Variants in ME3 observed in about 807,000 individuals in gnomAD.
ME3 encodes NADP-dependent malic enzyme, mitochondrial.
ME3 carries 48 observed loss-of-function variants against 68.9 expected under a neutral mutation model. That is an observed-to-expected ratio of 0.70 (90% CI 0.55 to 0.89). The LOEUF (loss-of-function observed/expected upper bound fraction) is 0.89. Among genes scored for constraint, ME3 ranks in the 40% least tolerant of loss-of-function variants. The pLI, the probability that ME3 is intolerant of heterozygous loss-of-function variation, is 0.00. For missense variants in ME3, 675 were observed against 797.4 expected (o/e 0.85, Z 1.85); for synonymous variants, 320 against 318.8 (o/e 1.00, Z -0.04).
intron 4 of ME3, among the ~76,000 whole-genome samples, chr11:86,551,376 A>G (rs1956673518): frequency 1.3e-5 from 2 of 152,012 alleles, no homozygotes; most frequent in Admixed American, 1.3e-4. Flanking sequence ...TCTGTCCAAC[A>G]TGATATAGTA....
At chr11:86,552,287 A>G (rs1312195229) in intron 4 of ME3, among the ~76,000 whole-genome samples, 1 of 152,210 alleles carries the variant, frequency 6.6e-6, no homozygotes, top group Non-Finnish European at 1.5e-5. Flanking sequence ...GCCTGGCTTC[A>G]AAGTCCGTGC....
At chr11:86,507,191 A>C (rs1263217173) in intron 5 of ME3, among the ~76,000 whole-genome samples, 2 of 152,242 alleles carry the variant, frequency 1.3e-5, no homozygotes, top group Admixed American at 1.3e-4. Flanking sequence ...TTTGGTGTCC[A>C]GTGGAGAAGG....
At chr11:86,447,789 C>T (rs898210798) in intron 11 of ME3, among the ~76,000 whole-genome samples, 7 of 144,096 alleles carry the variant, frequency 4.9e-5, no homozygotes, top group Admixed American at 3.0e-4. Context: ...ACCCAGGGGG[C>T]GGAGGTTGCA....
intron 3 of ME3, among the ~76,000 whole-genome samples, chr11:86,559,146 T>C (rs777148310): frequency 1.3e-5 from 2 of 152,206 alleles, no homozygotes; most frequent in African/African-American, 2.4e-5. Context: ...GGATCCCCAT[T>C]GGAGGAGAAC....
At chr11:86,624,605 G>A (rs777765030) in intron 2 of ME3, among the ~76,000 whole-genome samples, 19 of 152,188 alleles carry the variant, frequency 1.2e-4, no homozygotes, top group Non-Finnish European at 1.9e-4. Context: ...GATTGATTTT[G>A]TTGCTTTAAA....
chr11:86,525,511 TAA>T (rs545938132), intron 4 of ME3, among the ~76,000 whole-genome samples: 35 of 137,920 alleles, frequency 2.5e-4, no homozygotes, highest in Non-Finnish European at 1.9e-4. Context: ...CTGAATGGTT[TAA>T]AAAAAAAAAA....
rs373242413 is a variant in ME3, at chr11:86,599,139, G to A, written c.184-39316C>T. The stretch of plus-strand genomic sequence containing the variant: ...GAGTTGAGAGAAGAAGGCTTCAGAC[G>A]ATCAAACTACTCTGAGCTACAGGAG... On this transcript the variant is annotated intron_variant, in intron 2 of 14. Transcript: ENST00000543262. Among the ~76,000 whole-genome samples the A allele has an allele frequency of 5.3e-5, 8 of 152,292 alleles. No individual in the cohort carries two copies. In the East Asian group the frequency reaches 5.8e-4, roughly 11 times the overall value.
At chr11:86,524,392 T>G (rs563945949) in intron 4 of ME3, among the ~76,000 whole-genome samples, 1 of 152,306 alleles carries the variant, frequency 6.6e-6, no homozygotes, top group East Asian at 1.9e-4. Context: ...CCAAAGCAGG[T>G]TTGAGAAGTA....
chr11:86,463,355 G>A (rs573593448), intron 8 of ME3, among the ~76,000 whole-genome samples: 5 of 152,314 alleles, frequency 3.3e-5, no homozygotes, highest in Non-Finnish European at 5.9e-5. Context: ...CTGGGGAGCC[G>A]GTCAGGCTCT....
At position 86,671,966 on chromosome 11, in the gene ME3, G is replaced by A. The variant is rs1565309361; in HGVS notation, c.-14-8C>T. On this transcript the variant is annotated splice_region_variant and splice_polypyrimidine_tract_variant and intron_variant, in intron 1 of 14. Coordinates refer to ENST00000543262, the Ensembl canonical transcript of ME3. Reference sequence around the variant, plus strand: ...CCATGGTCCTTGGCAGACCTGGCACGGGAGAGAAAGCAAGGTCAGGGCCTC... The same window carrying A: ...CCATGGTCCTTGGCAGACCTGGCACAGGAGAGAAAGCAAGGTCAGGGCCTC... 7.2e-7 allele frequency: 1 copy of A among 1,388,510 alleles called. No individual in the cohort carries two copies. Among genetic ancestry groups the A allele is most frequent in the Non-Finnish European group, 9.3e-7 (1 of 1,078,262 alleles). The allele number at this position is 1,388,510 out of a possible 1,614,324, so 86.0% of individuals were successfully genotyped here.
At chr11:86,440,609 TCAA>T (rs1322466086), downstream of ME3, among the ~76,000 whole-genome samples, 1 of 152,138 alleles carries the variant, frequency 6.6e-6, no homozygotes, top group East Asian at 1.9e-4. Flanking sequence ...TGTCTAAGAC[TCAA>T]CAACCCACAG....
chr11:86,613,725 C>A (rs533698996), intron 2 of ME3, among the ~76,000 whole-genome samples: 1 of 152,172 alleles, frequency 6.6e-6, no homozygotes, highest in Non-Finnish European at 1.5e-5. Context: ...ACCATTGCTA[C>A]AAAGAGAATA....
chr11:86,625,970 G>C (rs1191291060), intron 2 of ME3, among the ~76,000 whole-genome samples: 1 of 152,134 alleles, frequency 6.6e-6, no homozygotes, highest in Non-Finnish European at 1.5e-5. Context: ...TTAGAATTGT[G>C]CTGGTACATA....
At chr11:86,612,070 C>T (rs904450396) in intron 2 of ME3, among the ~76,000 whole-genome samples, 3 of 152,166 alleles carry the variant, frequency 2.0e-5, no homozygotes, top group African/African-American at 4.8e-5. Context: ...CCCTTGCCCC[C>T]CAACCCCCAA....
At chr11:86,588,175 G>A (rs2139649954) in intron 2 of ME3, among the ~76,000 whole-genome samples, 1 of 152,352 alleles carries the variant, frequency 6.6e-6, no homozygotes, top group South Asian at 2.1e-4. Context: ...TTACAGACCA[G>A]AGGGAGAGAG....
At chr11:86,586,391 A>T (rs1817665372) in intron 2 of ME3, among the ~76,000 whole-genome samples, 1 of 152,158 alleles carries the variant, frequency 6.6e-6, no homozygotes, top group African/African-American at 2.4e-5. Context: ...TCTCTGGTTG[A>T]CAGTGTGTTG....
intron 2 of ME3, chr11:86,622,581 A>G (rs918372515): frequency 1.3e-5 from 2 of 152,046 alleles, no homozygotes; most frequent in African/African-American, 4.8e-5. Context: ...CACTGAGACA[A>G]TATCTCGTTT....
intron 7 of ME3, among the ~76,000 whole-genome samples, chr11:86,465,963 TGAGA>T (rs1176522946): frequency 3.9e-5 from 6 of 152,328 alleles, no homozygotes; most frequent in African/African-American, 1.4e-4. Context: ...CAGAGAACCC[TGAGA>T]AACAATGCCT....
chr11:86,652,973 C>A (rs1426484863), intron 2 of ME3, among the ~76,000 whole-genome samples: 1 of 149,694 alleles, frequency 6.7e-6, no homozygotes, highest in East Asian at 1.9e-4. Context: ...GACTTTAAAC[C>A]AACAAAAATC....
Sources: gnomAD v4.1 joint callset for allele counts (sites outside exome capture counted in the v4.1 genomes callset) on GRCh38, gnomAD v4.1.1 for gene constraint, MANE v1.5 for transcripts, NCBI Gene and HGNC (gene_info 2026-07-23, HGNC 2026-07-21) for gene names.